MLLT1: variants seen among roughly 807,000 people sequenced by gnomAD.
MLLT1 encodes protein ENL.
In MLLT1, 11 loss-of-function variants were observed where a neutral mutation model predicts 55.1. That is an observed-to-expected ratio of 0.20 (90% CI 0.13 to 0.33). The LOEUF (loss-of-function observed/expected upper bound fraction) is 0.33, where lower values mean the gene tolerates loss of function less well. Among genes scored for constraint, MLLT1 ranks in the 10% least tolerant of loss-of-function variants. The pLI, the probability that MLLT1 is intolerant of heterozygous loss-of-function variation, is 1.00. For missense variants in MLLT1, 536 were observed against 760.6 expected (o/e 0.70, Z 3.47); for synonymous variants, 323 against 320.1 (o/e 1.01, Z -0.10).
chr19:6,247,192 G>A (rs749983453), intron 3 of MLLT1, among the ~76,000 whole-genome samples: 6 of 152,142 alleles, frequency 3.9e-5, no homozygotes, highest in Non-Finnish European at 8.8e-5. Flanking sequence ...GATGTAAAGG[G>A]TGGGGGTGGT....
intron 6 of MLLT1, among the ~76,000 whole-genome samples, chr19:6,218,516 G>C (rs1310843919): frequency 6.6e-6 from 1 of 152,246 alleles, no homozygotes; most frequent in East Asian, 1.9e-4. Flanking sequence ...GGGTGGCAGA[G>C]AGCTCTGTAT....
chr19:6,264,206 T>A (rs1467293395), intron 2 of MLLT1, among the ~76,000 whole-genome samples: 2 of 150,538 alleles, frequency 1.3e-5, no homozygotes, highest in East Asian at 3.9e-4. Context: ...CTGGGATCCC[T>A]CCCTCCTGCC....
intron 2 of MLLT1, among the ~76,000 whole-genome samples, chr19:6,264,030 T>C (rs1351046021): frequency 6.6e-6 from 1 of 152,150 alleles, no homozygotes; most frequent in Non-Finnish European, 1.5e-5. Context: ...TAGACAGCAG[T>C]GATGGAATCA....
rs532792345 is a variant in MLLT1 at position 6,212,975 on chromosome 19, G to A, written c.*67C>T. 2.0e-5 allele frequency: 32 copies of A among 1,584,326 alleles called. No individual in the cohort carries two copies. In the African/African-American group the frequency reaches 2.2e-4, roughly 11 times the overall value. On this transcript the variant is annotated 3_prime_UTR_variant, in exon 12 of 12. Transcript: ENST00000252674. ...TGCGGGCAGGCGAGACGGGAGAGGAGGGCAGGCGAGGCCTGGCTGCAGCCT... is the reference window on the plus strand; with the variant it reads ...TGCGGGCAGGCGAGACGGGAGAGGAAGGCAGGCGAGGCCTGGCTGCAGCCT...
chr19:6,262,755 C>T lies in MLLT1; in HGVS notation c.194-445G>A, dbSNP rs182405960. On this transcript the variant is annotated intron_variant, in intron 2 of 11. Coordinates refer to ENST00000252674, the MANE Select transcript of MLLT1 (RefSeq NM_005934.4). The surrounding 1 kb of genome is among the most constrained non-coding windows in gnomAD (Gnocchi z 4.4). ...CAGCACGGGGGCTGAGCACCTGCTG[C>T]ACCACGGACACATGCACTGGGAGAC... Among the ~76,000 whole-genome samples, 10 of 152,274 alleles carry T rather than the reference C, an allele frequency of 6.6e-5. No individual in the cohort carries two copies. Among genetic ancestry groups the T allele is most frequent in the Non-Finnish European group, 1.5e-5 (1 of 68,020 alleles).
rs1409204831 is a variant in MLLT1 at position 6,211,693 on chromosome 19, C to G, written c.*1349G>C. ...GGGGTTGAGAGGACTGGAGGCGCCT[C>G]GAGTCAATGTCTGGGAAACAGAGGC... On this transcript the variant is annotated 3_prime_UTR_variant, in exon 12 of 12. Transcript: ENST00000252674. This position sits in a 1 kb window ranked among gnomAD's most constrained non-coding sequence, Gnocchi z 4.6. 1.0e-5 allele frequency: 11 copies of G among 1,064,374 alleles called. No homozygotes were observed. Among genetic ancestry groups the G allele is most frequent in the African/African-American group, 6.6e-5 (4 of 61,006 alleles). The allele number at this position is 1,064,374 out of a possible 1,614,324, so 65.9% of individuals were successfully genotyped here.
At chr19:6,216,361 C>G (rs1378715928) in intron 8 of MLLT1, 44 bp downstream of exon 8, 1 of 1,452,264 alleles carries the variant, frequency 6.9e-7, no homozygotes. Context: ...CCGGAGTCGC[C>G]CCGGGTGGCC....
intron 8 of MLLT1, among the ~76,000 whole-genome samples, chr19:6,214,588 C>T (rs1375863253): frequency 6.6e-6 from 1 of 152,102 alleles, no homozygotes; most frequent in Non-Finnish European, 1.5e-5. Flanking sequence ...TCTCAACCTC[C>T]CCTACCCTGG....
At chr19:6,225,228 C>A (rs943889593) in intron 5 of MLLT1, among the ~76,000 whole-genome samples, 2 of 152,220 alleles carry the variant, frequency 1.3e-5, no homozygotes, top group African/African-American at 4.8e-5. Context: ...GGGGACAAAA[C>A]CCCAGGACTG....
At chr19:6,249,636 A>G (rs983549123) in intron 3 of MLLT1, among the ~76,000 whole-genome samples, 3 of 152,174 alleles carry the variant, frequency 2.0e-5, no homozygotes, top group African/African-American at 4.8e-5. Context: ...GAAGAGCTGG[A>G]GCCCCCAGCT....
intron 2 of MLLT1, among the ~76,000 whole-genome samples, chr19:6,268,517 G>C (rs1333582154): frequency 6.6e-6 from 1 of 152,196 alleles, no homozygotes; most frequent in African/African-American, 2.4e-5. Context: ...TACCCTATTT[G>C]ATTTGTGATA....
rs1490578626 is a variant in MLLT1, at chr19:6,210,450, A to G, written c.*2592T>C. On this transcript the variant is annotated 3_prime_UTR_variant, in exon 12 of 12. Transcript: ENST00000252674. The surrounding 1 kb of genome is among the most constrained non-coding windows in gnomAD (Gnocchi z 4.6). ...TCCTCCATAATTTCACAATTTAACA[A>G]AAGTTTAAAATCCAGGAAAGAAACA... 5.1e-6 allele frequency: 1 copy of G among 196,042 alleles called. No homozygotes were observed. Among genetic ancestry groups the G allele is most frequent in the Admixed American group, 6.1e-5 (1 of 16,400 alleles). 12.1% of individuals were successfully genotyped at this position (196,042 alleles called of 1,614,324 possible). A position where few individuals can be genotyped will look rare whatever the true frequency, so the allele number is the denominator to read the frequency against.
intron 3 of MLLT1, among the ~76,000 whole-genome samples, chr19:6,237,144 C>T (rs143241007): frequency 0.013 from 2,031 of 152,366 alleles, 99 homozygotes; most frequent in Admixed American, 0.091. Context: ...GGATCACAGG[C>T]GCCGAGTGGC....
At chr19:6,265,072 A>AAAAG (rs2091338569) in intron 2 of MLLT1, among the ~76,000 whole-genome samples, 2 of 145,316 alleles carry the variant, frequency 1.4e-5, no homozygotes, top group Admixed American at 6.8e-5. Flanking sequence ...AAACAAAAAA[A>AAAAG]AACATGATGT....
Position 6,222,572 on chromosome 19 carries a change from C to A in MLLT1, c.659G>T (p.Arg220Leu). 8 of 1,600,880 alleles carry A rather than the reference C, an allele frequency of 5.0e-6. No homozygotes were observed. The highest frequency in any genetic ancestry group is 1.1e-5 in the South Asian group (1 of 91,058). ...GTCCTTGGAGCTTTTGGCCTGCTCA[C>A]GCTCCAGCTCCTTGGAGGAGCTCTT... ...ESKSSSKELE[R>L]EQAKSSKDTS... The change falls in exon 6 of 12, where the codon CGT becomes CTT. Residue 220 changes from arginine (R) to leucine (L), a missense_variant. Physicochemically the swap from Arg to Leu is moderately radical, Grantham distance 102. Around this residue, in one of 3 missense-constraint regions of MLLT1, gnomAD observed 449 missense variants for 489.0 expected, o/e 0.92. Transcript: ENST00000252674. This position sits in a 1 kb window ranked among gnomAD's most constrained non-coding sequence, Gnocchi z 4.1.
At chr19:6,216,249 G>C in intron 8 of MLLT1, among the ~76,000 whole-genome samples, 156 bp downstream of exon 8, 1 of 152,248 alleles carries the variant, frequency 6.6e-6, no homozygotes, top group East Asian at 1.9e-4. Flanking sequence ...CCAAGGCCCA[G>C]GCTGGACTGG....
In MLLT1 at chr19:6,262,335, C is replaced by G. The variant is rs1178860267; in HGVS notation, c.194-25G>C. ...ACTAAAAAGAAAAGGAAGAAACACACCCATCAGCCTCCTGCCTGTTTCAGG... is the reference window on the plus strand; with the variant it reads ...ACTAAAAAGAAAAGGAAGAAACACAGCCATCAGCCTCCTGCCTGTTTCAGG... On this transcript the variant is annotated intron_variant, in intron 2 of 11. Transcript: ENST00000252674. The surrounding 1 kb of genome is among the most constrained non-coding windows in gnomAD (Gnocchi z 4.4). 3 of 1,598,598 alleles carry G rather than the reference C, an allele frequency of 1.9e-6. No homozygotes were observed. The Admixed American group carries it at 5.0e-5, about 27-fold the overall frequency.
At chr19:6,236,679 C>T (rs970424539) in intron 3 of MLLT1, among the ~76,000 whole-genome samples, 1 of 152,212 alleles carries the variant, frequency 6.6e-6, no homozygotes, top group Non-Finnish European at 1.5e-5. Context: ...CTACACGAGA[C>T]CTGGGCCTAC....
Position 6,274,075 on chromosome 19 carries a change from G to A in MLLT1, c.13-3316C>T, listed in dbSNP as rs865976382. Among the ~76,000 whole-genome samples, 6 of 152,232 alleles carry A rather than the reference G, an allele frequency of 3.9e-5. No homozygotes were observed. The East Asian group carries it at 7.7e-4, about 20-fold the overall frequency. ...CGACACTGATGCCCTGGGGGCTGGC[G>A]CCAACTTGAGCCTCAACACCCACTG... On this transcript the variant is annotated intron_variant, in intron 1 of 11. Transcript: ENST00000252674.
Sources: gnomAD v4.1 joint callset for allele counts (sites outside exome capture counted in the v4.1 genomes callset) on GRCh38, gnomAD v4.1.1 for gene constraint, gnomAD v4.1.1 regional missense constraint, Gnocchi (gnomAD v3.1) non-coding constraint, MANE v1.5 for transcripts, NCBI Gene and HGNC (gene_info 2026-07-23, HGNC 2026-07-21) for gene names.